The following KCNB2 variants were observed in gnomAD, a reference collection of about 807,000 sequenced individuals.
KCNB2 encodes the protein delayed rectifier potassium channel protein.
A neutral mutation model predicts 61.5 loss-of-function variants in KCNB2; 15 were observed. The observed-to-expected ratio is 0.24, with a 90% CI of 0.16 to 0.38. KCNB2 has a LOEUF of 0.38. KCNB2 is among the 10% of genes least tolerant of loss of function. The probability of loss-of-function intolerance (pLI) is 1.00; values close to 1 mark genes in which losing one functional copy is unlikely to be tolerated. For synonymous variants in KCNB2, 457 were observed against 446.0 expected, an observed-to-expected ratio of 1.02 and a Z score of -0.31; for missense variants, 828 against 1,125.2, an observed-to-expected ratio of 0.74 and a Z score of 3.78.
chr8:72,681,105 G>A (rs886561181), intron 2 of KCNB2, among the ~76,000 whole-genome samples: 3 of 152,084 alleles, frequency 2.0e-5, no homozygotes, highest in African/African-American at 7.2e-5. Context: ...AGTCAAAGAC[G>A]ACCCTCAAAA....
chr8:72,721,290 G>A (rs1324394143), intron 2 of KCNB2, among the ~76,000 whole-genome samples: 1 of 152,208 alleles, frequency 6.6e-6, no homozygotes, highest in African/African-American at 2.4e-5. Flanking sequence ...TCATCCGGGG[G>A]TTGCTGTCTT....
chr8:72,784,105 A>C (rs1808809747), intron 2 of KCNB2, among the ~76,000 whole-genome samples: 1 of 152,196 alleles, frequency 6.6e-6, no homozygotes, highest in South Asian at 2.1e-4. Flanking sequence ...TTCAAGATAT[A>C]CAATGGGATG....
intron 2 of KCNB2, among the ~76,000 whole-genome samples, chr8:72,754,983 T>C (rs1213723118): frequency 6.6e-6 from 1 of 152,162 alleles, no homozygotes; most frequent in Non-Finnish European, 1.5e-5. Context: ...CTGAGCCAGA[T>C]GATCAAGGCC....
chr8:72,854,050 C>A (rs985567722), intron 2 of KCNB2, among the ~76,000 whole-genome samples: 1 of 152,060 alleles, frequency 6.6e-6, no homozygotes, highest in African/African-American at 2.4e-5. Flanking sequence ...AAATTAGAAC[C>A]ATTTAGGGCT....
intron 2 of KCNB2, among the ~76,000 whole-genome samples, chr8:72,922,718 A>G (rs13252024): frequency 0.48 from 72,516 of 151,780 alleles, 18,392 homozygotes; most frequent in Middle Eastern, 0.6. Flanking sequence ...GTCAACACAC[A>G]AACTTTGGAG....
chr8:72,885,187 A>C (rs967331584), intron 2 of KCNB2, among the ~76,000 whole-genome samples: 9 of 152,058 alleles, frequency 5.9e-5, no homozygotes, highest in African/African-American at 2.2e-4. Context: ...TTCTTAACTA[A>C]ATATTCCTAG....
chr8:72,866,217 C>T (rs758079137), intron 2 of KCNB2, among the ~76,000 whole-genome samples: 3 of 152,204 alleles, frequency 2.0e-5, no homozygotes, highest in Non-Finnish European at 2.9e-5. Context: ...GGAACACACT[C>T]GCATTGCTCT....
chr8:72,788,841 A>C (rs1477948898), intron 2 of KCNB2, among the ~76,000 whole-genome samples: 1 of 152,214 alleles, frequency 6.6e-6, no homozygotes, highest in Non-Finnish European at 1.5e-5. Flanking sequence ...CAAAGGATGT[A>C]TAAAGGACTA....
At chr8:72,824,863 C>G (rs748984716) in intron 2 of KCNB2, among the ~76,000 whole-genome samples, 9 of 152,350 alleles carry the variant, frequency 5.9e-5, no homozygotes, top group Admixed American at 2.0e-4. Flanking sequence ...ACTCTGCACT[C>G]TGGCTCCTTT....
intron 2 of KCNB2, among the ~76,000 whole-genome samples, chr8:72,616,402 C>A (rs1268274493): frequency 6.6e-6 from 1 of 152,240 alleles, no homozygotes; most frequent in East Asian, 1.9e-4. Context: ...TCTTACCAGG[C>A]TTTTTTTATT....
intron 2 of KCNB2, among the ~76,000 whole-genome samples, chr8:72,628,110 T>A (rs1805820233): frequency 6.6e-6 from 1 of 152,068 alleles, no homozygotes; most frequent in African/African-American, 2.4e-5. Flanking sequence ...TGTGTCACCA[T>A]GCCTGGCTAA....
chr8:72,609,729 G>C (rs935094667), intron 2 of KCNB2, among the ~76,000 whole-genome samples: 4 of 152,094 alleles, frequency 2.6e-5, no homozygotes, highest in African/African-American at 9.7e-5. Flanking sequence ...TTTATCTGTA[G>C]TTCTTGAAAT....
intron 2 of KCNB2, among the ~76,000 whole-genome samples, chr8:72,721,636 GCCCT>G (rs1807551167): frequency 6.6e-6 from 1 of 152,144 alleles, no homozygotes; most frequent in Non-Finnish European, 1.5e-5. Flanking sequence ...TTAACTCTGT[GCCCT>G]CACAGACATG....
chr8:72,733,619 T>C (rs1486701749), intron 2 of KCNB2, among the ~76,000 whole-genome samples: 2 of 152,146 alleles, frequency 1.3e-5, no homozygotes, highest in African/African-American at 4.8e-5. Flanking sequence ...TGTAAAGCAT[T>C]CAGAATGGTA....
intron 2 of KCNB2, among the ~76,000 whole-genome samples, chr8:72,718,944 T>TC (rs960152240): frequency 1.3e-5 from 2 of 152,098 alleles, no homozygotes; most frequent in Admixed American, 6.6e-5. Context: ...GAGATTTTTT[T>TC]CCCCCACCTT....
intron 2 of KCNB2, among the ~76,000 whole-genome samples, chr8:72,672,258 A>G (rs997916964): frequency 8.5e-5 from 13 of 152,234 alleles, no homozygotes; most frequent in Non-Finnish European, 1.6e-4. Context: ...AATTAGAACA[A>G]TACAAAGGGC....
intron 2 of KCNB2, among the ~76,000 whole-genome samples, chr8:72,888,404 C>G (rs1805841028): frequency 6.6e-6 from 1 of 152,190 alleles, no homozygotes; most frequent in Non-Finnish European, 1.5e-5. Context: ...AGTCACCGCA[C>G]ATGGCCACAG....
chr8:72,687,488 C>A (rs993345951), intron 2 of KCNB2, among the ~76,000 whole-genome samples: 1 of 152,032 alleles, frequency 6.6e-6, no homozygotes, highest in Non-Finnish European at 1.5e-5. Flanking sequence ...AGCAAGTATG[C>A]TTTCTTGGGG....
At chr8:72,546,880 A>G (rs1252146804) in intron 1 of KCNB2, among the ~76,000 whole-genome samples, 2 of 152,244 alleles carry the variant, frequency 1.3e-5, no homozygotes, top group African/African-American at 4.8e-5. Flanking sequence ...TGGAGATTAA[A>G]CAGGCTTCTG....
Sources: allele counts gnomAD v4.1 joint callset (sites outside exome capture counted in the v4.1 genomes callset), GRCh38; gene constraint gnomAD v4.1.1; transcripts MANE v1.5; gene names NCBI Gene and HGNC (gene_info 2026-07-23, HGNC 2026-07-21).